The following EPS8L2 variants were observed in gnomAD, a reference collection of about 807,000 sequenced individuals.
The protein encoded by EPS8L2 is EPS8 signaling adaptor L2, also known as epidermal growth factor receptor kinase substrate 8-like protein 2.
In EPS8L2, 81 loss-of-function variants were observed where a neutral mutation model predicts 99.4. That is an observed-to-expected ratio of 0.82 (90% CI 0.68 to 0.98). The LOEUF (loss-of-function observed/expected upper bound fraction) is 0.98, where lower values mean the gene tolerates loss of function less well. Ranked by LOEUF, EPS8L2 falls within the 50% of genes least tolerant of loss-of-function variation. The pLI is 0.00. For missense variants in EPS8L2, 1,155 were observed against 968.8 expected (o/e 1.19, Z -2.55); for synonymous variants, 509 against 407.3 (o/e 1.25, Z -3.01).
At chr11:711,939 C>T (rs1490655660) in intron 4 of EPS8L2, among the ~76,000 whole-genome samples, 1 of 151,642 alleles carries the variant, frequency 6.6e-6, no homozygotes, top group African/African-American at 2.4e-5. Context: ...GCCGAGATCA[C>T]ACCACTGCAC....
chr11:726,586 G>C, intron 19 of EPS8L2, 33 bp from the exon 20 acceptor site: 1 of 1,533,058 alleles, frequency 6.5e-7, no homozygotes, highest in Non-Finnish European at 8.8e-7. Flanking sequence ...CTCGCTCACA[G>C]CGCGGCCCTG....
At chr11:723,871 C>T (rs2133535606) in intron 15 of EPS8L2, among the ~76,000 whole-genome samples, 1 of 152,084 alleles carries the variant, frequency 6.6e-6, no homozygotes, top group East Asian at 1.9e-4. Context: ...CATTCCTGGT[C>T]CAATCTGCAT....
chr11:710,531 T>C, intron 4 of EPS8L2, 45 bp downstream of exon 4: 1 of 1,531,324 alleles, frequency 6.5e-7, no homozygotes, highest in Non-Finnish European at 9.0e-7. Flanking sequence ...GGGAGCACCC[T>C]CAGGACATGG....
chr11:710,415 G>T lies in EPS8L2; in HGVS notation c.101-7G>T. 1 of 1,613,332 alleles carries T rather than the reference G, an allele frequency of 6.2e-7. No homozygotes were observed. Among genetic ancestry groups the T allele is most frequent in the South Asian group, 1.1e-5 (1 of 91,080 alleles). The stretch of plus-strand genomic sequence containing the variant: ...GTCGGGGGAGTGACTGGTGTCTCCC[G>T]GTTCAGAGCAGAGGAAGAAGTATTC... On this transcript the variant is annotated splice_region_variant and splice_polypyrimidine_tract_variant and intron_variant, in intron 3 of 20. Transcript: ENST00000318562.
rs377113347 is a variant in EPS8L2, at chr11:726,754, G to C, written c.2067+3G>C. The stretch of plus-strand genomic sequence containing the variant: ...CCATGCAGAAGGCCTTCCTGGAGGT[G>C]AGCCCGCCTGCGCTCCGGCGCCACG... On this transcript the variant is annotated splice_donor_region_variant and intron_variant, in intron 20 of 20. Coordinates refer to ENST00000318562, the MANE Select transcript of EPS8L2 (RefSeq NM_022772.4). The C allele has an allele frequency of 1.1e-5, 18 of 1,586,220 alleles. No individual in the cohort carries two copies. The highest frequency in any genetic ancestry group is 1.5e-5 in the Non-Finnish European group (18 of 1,168,400).
intron 4 of EPS8L2, among the ~76,000 whole-genome samples, chr11:711,148 C>G (rs753100459): frequency 6.6e-6 from 1 of 152,126 alleles, no homozygotes; most frequent in Non-Finnish European, 1.5e-5. Context: ...CTGCACGCGC[C>G]GGACCAGCCG....
chr11:721,004 C>CAGGGG (rs1281260736), intron 7 of EPS8L2, 60 bp from the exon 8 acceptor site: 3 of 1,414,886 alleles, frequency 2.1e-6, no homozygotes, highest in Non-Finnish European at 1.9e-6. Flanking sequence ...AGGAGCCCGG[C>CAGGGG]AGGGAGGGAG....
rs752633934 is a variant in EPS8L2, at chr11:721,847, C to T, written c.896-56C>T. ...CAGATGGGCTGCGTGGGACAGAAGG[C>T]GCAGGGGCCGGGGAGATCAGGGCCA... On this transcript the variant is annotated intron_variant, in intron 10 of 20. Transcript: ENST00000318562. 32 of 1,540,328 alleles carry T rather than the reference C, an allele frequency of 2.1e-5. No individual in the cohort carries two copies. In the South Asian group the frequency reaches 2.9e-4, roughly 14 times the overall value.
rs1590057137 is a variant in EPS8L2 at position 724,947 on chromosome 11, A to G, written c.1560+118A>G. 1 of 736,192 alleles carries G rather than the reference A, an allele frequency of 1.4e-6. No homozygotes were observed. The highest frequency in any genetic ancestry group is 2.1e-5 in the Admixed American group (1 of 47,118). The allele number at this position is 736,192 out of a possible 1,614,324, so 45.6% of individuals were successfully genotyped here. On this transcript the variant is annotated intron_variant, in intron 16 of 20. Coordinates refer to ENST00000318562, the MANE Select transcript of EPS8L2 (RefSeq NM_022772.4). This position sits in a 1 kb window ranked among gnomAD's most constrained non-coding sequence, Gnocchi z 5.5. Reference sequence around the variant, plus strand: ...AGGCTGGGTGATGCCAGGACGGGGCACAGCTGCTGGCCCCTTTCTCCAGGG... The same window carrying G: ...AGGCTGGGTGATGCCAGGACGGGGCGCAGCTGCTGGCCCCTTTCTCCAGGG...
chr11:710,911 G>T (rs1256924946), intron 4 of EPS8L2, among the ~76,000 whole-genome samples: 1 of 152,228 alleles, frequency 6.6e-6, no homozygotes, highest in Non-Finnish European at 1.5e-5. Context: ...GCGCCCCTCT[G>T]GTTCCAGTCC....
chr11:709,700 G>C, intron 3 of EPS8L2, 92 bp downstream of exon 3: 1 of 1,436,746 alleles, frequency 7.0e-7, no homozygotes, highest in South Asian at 1.2e-5. Context: ...CCACAGCTGT[G>C]CCTGGTCTGG....
intron 7 of EPS8L2, 33 bp from the exon 8 acceptor site, chr11:721,031 G>C (rs766146160): frequency 4.9e-6 from 7 of 1,427,408 alleles, no homozygotes; most frequent in African/African-American, 1.5e-5. Flanking sequence ...GTGCGTTCCC[G>C]GCGGGGCTGA....
chr11:720,969 AGGGGAGGAGCCGGCAG>A (rs1218356583), intron 7 of EPS8L2, 60 bp downstream of exon 7: 209 of 907,568 alleles, frequency 2.3e-4, no homozygotes, highest in East Asian at 5.5e-4. Context: ...CCGGCAGGGG[AGGGGAGGAGCCGGCAG>A]GGGAGGGGAG....
At position 724,889 on chromosome 11, in the gene EPS8L2, G is replaced by A; in HGVS notation, c.1560+60G>A. 1.5e-6 allele frequency: 2 copies of A among 1,314,508 alleles called. No individual in the cohort carries two copies. The highest frequency in any genetic ancestry group is 2.3e-5 in the East Asian group (1 of 43,284). 81.4% of individuals were successfully genotyped at this position (1,314,508 alleles called of 1,614,324 possible). On this transcript the variant is annotated intron_variant, in intron 16 of 20. Coordinates refer to ENST00000318562, the MANE Select transcript of EPS8L2 (RefSeq NM_022772.4). The surrounding 1 kb of genome is among the most constrained non-coding windows in gnomAD (Gnocchi z 5.5). ...AACAGGGCAGGGCTTCAAGGGAGGG[G>A]CTACCAGGGGAGGTGGGGAGCGGTC... is the stretch of plus-strand genomic sequence containing the variant.
intron 4 of EPS8L2, 74 bp downstream of exon 4, chr11:710,560 C>G: frequency 7.6e-7 from 1 of 1,313,760 alleles, no homozygotes; most frequent in Middle Eastern, 1.8e-4. Flanking sequence ...AGGTTCTCGT[C>G]TCCACAAAAA....
rs780739584 is a variant in EPS8L2, at chr11:721,952, C to T, written c.945C>T (p.Ile315=). The change falls in exon 11 of 21, where the codon ATC becomes ATT. Residue 315 remains isoleucine, a synonymous_variant. Transcript: ENST00000318562. ...RARPPSEGEF[I]DCFQKIKLAI... ...GGCCCCCCTCTGAGGGCGAGTTCAT[C>T]GACTGCTTCCAGAAAATCAAGCTGG... 1.7e-5 allele frequency: 27 copies of T among 1,602,006 alleles called. No homozygotes were observed. In the South Asian group the frequency reaches 2.7e-4, roughly 16 times the overall value.
rs533572697 is a variant in EPS8L2 at position 727,373 on chromosome 11, A to T, written c.*392A>T. On this transcript the variant is annotated 3_prime_UTR_variant, in exon 21 of 21. Transcript: ENST00000318562. ...ACACCCCAGGGTGAGCTGGAGCTCC[A>T]GGCTGGCCAGGCTGAACCTCGCACA... 1.0e-4 allele frequency: 17 copies of T among 165,536 alleles called. No individual in the cohort carries two copies. The highest frequency in any genetic ancestry group is 2.0e-4 in the Non-Finnish European group (15 of 75,924). 10.3% of individuals were successfully genotyped at this position (165,536 alleles called of 1,614,324 possible).
intron 4 of EPS8L2, among the ~76,000 whole-genome samples, chr11:713,612 T>C (rs1421829961): frequency 1.3e-5 from 2 of 152,192 alleles, no homozygotes; most frequent in Non-Finnish European, 2.9e-5. Context: ...TGGCGTGATC[T>C]TGGTTCACTG....
chr11:721,375 T>C, intron 9 of EPS8L2, 23 bp downstream of exon 9: 1 of 1,538,552 alleles, frequency 6.5e-7, no homozygotes, highest in Non-Finnish European at 8.7e-7. Context: ...GCCCGGCAGG[T>C]GGCCCCTCTC....
Sources: allele counts gnomAD v4.1 joint callset (sites outside exome capture counted in the v4.1 genomes callset), GRCh38; gene constraint gnomAD v4.1.1; non-coding constraint Gnocchi (gnomAD v3.1); transcripts MANE v1.5; gene names NCBI Gene and HGNC (gene_info 2026-07-23, HGNC 2026-07-21).